Variants in COPS3 observed in about 807,000 individuals in gnomAD.
COPS3 encodes the protein COP9 signalosome subunit 3.
A neutral mutation model predicts 58.2 loss-of-function variants in COPS3; 10 were observed. The ratio of observed to expected loss-of-function variants is 0.17; its 90% CI spans 0.11 to 0.29. The LOEUF (loss-of-function observed/expected upper bound fraction) is 0.29, where lower values mean the gene tolerates loss of function less well. Ranked by LOEUF, COPS3 falls within the 10% of genes least tolerant of loss-of-function variation. The probability of loss-of-function intolerance (pLI) is 1.00; values close to 1 mark genes in which losing one functional copy is unlikely to be tolerated. For missense variants in COPS3, 333 were observed against 510.1 expected (o/e 0.65, Z 3.34); for synonymous variants, 187 against 181.7 (o/e 1.03, Z -0.24).
intron 7 of COPS3, chr17:17,261,715 A>AT (rs1296132366): frequency 2.2e-6 from 1 of 454,876 alleles, no homozygotes; most frequent in Non-Finnish European, 4.0e-6. Context: ...AAAAAAATCA[A>AT]CTGTTATAGG....
intron 5 of COPS3, among the ~76,000 whole-genome samples, 183 bp from the exon 6 acceptor site, chr17:17,265,164 C>A (rs2048192897): frequency 6.6e-6 from 1 of 152,144 alleles, no homozygotes; most frequent in Non-Finnish European, 1.5e-5. Context: ...CTTAGGACCA[C>A]AAGTGTTTCA....
In COPS3 at chr17:17,276,060, G is replaced by C; in HGVS notation, c.160C>G (p.His54Asp). The stretch of plus-strand genomic sequence containing the variant: ...AAAACAGCAAGGACGCCCAAGGAGT[G>C]TTCTTGTACATCCAGAGCCCCGAGC... Reference protein sequence around the residue: ...TVLGALDVQEHSLGVLAVLFV... With the variant: ...TVLGALDVQEDSLGVLAVLFV... The change falls in exon 2 of 12, where the codon CAC (histidine) becomes GAC (aspartate). Residue 54 changes from histidine (H) to aspartate (D), a missense_variant. Coordinates refer to ENST00000268717, the MANE Select transcript of COPS3 (RefSeq NM_003653.4). 1 of 1,614,104 alleles carries C rather than the reference G, an allele frequency of 6.2e-7. No homozygotes were observed.
chr17:17,262,125 C>A lies in COPS3; in HGVS notation c.622-19G>T. 2.5e-6 allele frequency: 4 copies of A among 1,601,190 alleles called. No individual in the cohort carries two copies. The highest frequency in any genetic ancestry group is 3.4e-6 in the Non-Finnish European group (4 of 1,176,392). On this transcript the variant is annotated intron_variant, in intron 6 of 11. Coordinates refer to ENST00000268717, the MANE Select transcript of COPS3 (RefSeq NM_003653.4). ...TTATAGCCTAGGCAAGAGAAGAATG[C>A]TTGCTGTAAAGAGAACATACCACAG...
intron 4 of COPS3, among the ~76,000 whole-genome samples, chr17:17,268,834 A>C (rs1326051100): frequency 6.9e-6 from 1 of 145,958 alleles, no homozygotes; most frequent in African/African-American, 2.7e-5. Context: ...AACAACAACA[A>C]CAACAACAAC....
In COPS3 at chr17:17,263,644, G is replaced by A. The variant is rs1278665746; in HGVS notation, c.621+1158C>T. On this transcript the variant is annotated intron_variant, in intron 6 of 11. Transcript: ENST00000268717. ...TTCTCCTGCTTCAGCCTCCTGAGTA[G>A]CTAGGATTACAGGCATGCACCACCA... Among the ~76,000 whole-genome samples, 33 of 150,908 alleles carry A rather than the reference G, an allele frequency of 2.2e-4. 1 individual carries two copies. The highest frequency in any genetic ancestry group is 1.5e-5 in the Non-Finnish European group (1 of 67,874).
intron 9 of COPS3, among the ~76,000 whole-genome samples, chr17:17,253,664 TGTGTA>T (rs2047899269): frequency 6.6e-6 from 1 of 152,170 alleles, no homozygotes; most frequent in South Asian, 2.1e-4. Context: ...CTAAGCACAC[TGTGTA>T]GTTCAGCAAA....
intron 7 of COPS3, 69 bp downstream of exon 7, chr17:17,261,897 G>A (rs557665110): frequency 2.2e-6 from 3 of 1,375,060 alleles, no homozygotes; most frequent in Non-Finnish European, 3.0e-6. Flanking sequence ...TTACAGAACT[G>A]TATCATTGCA....
chr17:17,277,136 C>T (rs1305117405), intron 1 of COPS3, among the ~76,000 whole-genome samples: 2 of 152,192 alleles, frequency 1.3e-5, no homozygotes, highest in Non-Finnish European at 2.9e-5. Context: ...TTCTCCCCCA[C>T]ATCCTCTGCT....
chr17:17,255,174 C>A, intron 8 of COPS3: 1 of 307,576 alleles, frequency 3.3e-6, no homozygotes, highest in East Asian at 7.1e-5. Flanking sequence ...GTGGTGCACG[C>A]CTGTAGTCCC....
intron 6 of COPS3, among the ~76,000 whole-genome samples, chr17:17,262,501 G>C (rs1249946861): frequency 6.6e-6 from 1 of 152,026 alleles, no homozygotes; most frequent in Admixed American, 6.6e-5. Flanking sequence ...AGGCCGAGGT[G>C]GGTGGATCAC....
At chr17:17,260,523 GC>G in intron 7 of COPS3, 49 bp from the exon 8 acceptor site, 1 of 1,586,422 alleles carries the variant, frequency 6.3e-7, no homozygotes, top group South Asian at 1.1e-5. Context: ...TTCAGAAGAG[GC>G]CAGGTGTGGG....
At chr17:17,276,941 G>A (rs1358262551) in intron 1 of COPS3, among the ~76,000 whole-genome samples, 1 of 152,056 alleles carries the variant, frequency 6.6e-6, no homozygotes, top group Non-Finnish European at 1.5e-5. Flanking sequence ...TTATTCCAAT[G>A]ACTTTAAGAA....
At chr17:17,275,697 A>C (rs1044789580) in intron 2 of COPS3, among the ~76,000 whole-genome samples, 1 of 152,052 alleles carries the variant, frequency 6.6e-6, no homozygotes, top group East Asian at 1.9e-4. Flanking sequence ...TAATCCCAGC[A>C]TTTTGGGAGG....
rs752806690 is a variant in COPS3 at position 17,246,819 on chromosome 17, T to C, written c.*279A>G. The C allele has an allele frequency of 1.9e-4, 81 of 417,926 alleles. No homozygotes were observed. Among genetic ancestry groups the C allele is most frequent in the Non-Finnish European group, 2.9e-4 (67 of 230,632 alleles). 25.9% of individuals were successfully genotyped at this position (417,926 alleles called of 1,614,324 possible). A position where few individuals can be genotyped will look rare whatever the true frequency, so the allele number is the denominator to read the frequency against. ...AGAAAAAAGTGATACAGAAGACACA[T>C]TAATGTTCAAGCAACTTAAAACAAA... On this transcript the variant is annotated 3_prime_UTR_variant, in exon 12 of 12. Transcript: ENST00000268717.
At chr17:17,268,853 T>A (rs11078380) in intron 4 of COPS3, among the ~76,000 whole-genome samples, 4,881 of 49,778 alleles carry the variant, frequency 0.098, 111 homozygotes, top group African/African-American at 0.13. Context: ...ACAACAAAAA[T>A]ATATATATAT....
intron 2 of COPS3, among the ~76,000 whole-genome samples, chr17:17,272,577 G>A (rs1016047037): frequency 5.9e-5 from 9 of 152,124 alleles, no homozygotes; most frequent in African/African-American, 1.4e-4. Context: ...AAAGAAGTTC[G>A]GAGGAGTACT....
chr17:17,249,738 C>T (rs889085843), intron 9 of COPS3, among the ~76,000 whole-genome samples: 5 of 152,138 alleles, frequency 3.3e-5, no homozygotes, highest in South Asian at 2.1e-4. Flanking sequence ...GTGAGCCATC[C>T]GCCTCGGCTT....
chr17:17,262,759 A>T (rs1013522627), intron 6 of COPS3, among the ~76,000 whole-genome samples: 5 of 151,698 alleles, frequency 3.3e-5, no homozygotes, highest in Non-Finnish European at 7.4e-5. Context: ...GTAGAAATGG[A>T]GTCTCACTAT....
chr17:17,280,569 C>A (rs939425251), intron 1 of COPS3: 3 of 1,283,686 alleles, frequency 2.3e-6, no homozygotes, highest in Admixed American at 2.4e-5. Context: ...GAAATGGAGT[C>A]CTACGAGCGA....
Sources: gnomAD v4.1 joint callset for allele counts (sites outside exome capture counted in the v4.1 genomes callset) on GRCh38, gnomAD v4.1.1 for gene constraint, MANE v1.5 for transcripts, NCBI Gene and HGNC (gene_info 2026-07-23, HGNC 2026-07-21) for gene names.